STIM2: variants seen among roughly 807,000 people sequenced by gnomAD.
STIM2 encodes stromal interaction molecule 2.
A neutral mutation model predicts 85.8 loss-of-function variants in STIM2; 31 were observed. The ratio of observed to expected loss-of-function variants is 0.36; its 90% CI spans 0.27 to 0.49. STIM2 has a LOEUF of 0.49. STIM2 is among the 20% of genes least tolerant of loss of function. The probability of loss-of-function intolerance (pLI) is 0.98; values close to 1 mark genes in which losing one functional copy is unlikely to be tolerated. For synonymous variants in STIM2, 356 were observed against 331.1 expected, an observed-to-expected ratio of 1.08 and a Z score of -0.82; for missense variants, 841 against 927.6, an observed-to-expected ratio of 0.91 and a Z score of 1.21.
intron 1 of STIM2, among the ~76,000 whole-genome samples, chr4:26,908,669 A>G (rs761472359): frequency 6.6e-6 from 1 of 152,126 alleles, no homozygotes; most frequent in Middle Eastern, 3.2e-3. Flanking sequence ...TTTTTAGTAG[A>G]GACAGAGTTT....
chr4:26,960,099 A>G (rs1302356581), intron 3 of STIM2, among the ~76,000 whole-genome samples: 1 of 152,158 alleles, frequency 6.6e-6, no homozygotes, highest in Non-Finnish European at 1.5e-5. Flanking sequence ...CTGGTTTTTA[A>G]AACATTCAGG....
intron 1 of STIM2, among the ~76,000 whole-genome samples, chr4:26,862,307 CT>C (rs1391951092): frequency 8.0e-6 from 1 of 125,302 alleles, no homozygotes; most frequent in Non-Finnish European, 1.7e-5. Context: ...AGTAATGGAG[CT>C]AAAATAATGG....
At chr4:26,920,992 C>T (rs1302861040) in intron 2 of STIM2, among the ~76,000 whole-genome samples, 2 of 152,114 alleles carry the variant, frequency 1.3e-5, no homozygotes, top group South Asian at 2.1e-4. Context: ...TAAACCCCAG[C>T]ACCTCAGAAT....
Position 26,917,470 on chromosome 4 carries a change from T to C in STIM2, c.152-2034T>C, listed in dbSNP as rs1013290647. 7.9e-5 allele frequency among the ~76,000 whole-genome samples: 12 copies of C among 152,246 alleles called. 1 individual carries two copies. Among genetic ancestry groups the C allele is most frequent in the Admixed American group, 5.9e-4 (9 of 15,290 alleles). On this transcript the variant is annotated intron_variant, in intron 1 of 11. Coordinates refer to ENST00000467087, the MANE Select transcript of STIM2 (RefSeq NM_020860.4). ...AGAGAAGGAAGTGATCACTAGGAAA[T>C]AGTGTTTATGAAAGACTTCATGGAG...
intron 3 of STIM2, among the ~76,000 whole-genome samples, chr4:26,976,979 A>G (rs1028439975): frequency 6.6e-6 from 1 of 152,206 alleles, no homozygotes; most frequent in Non-Finnish European, 1.5e-5. Flanking sequence ...CACTCACACA[A>G]CTGCTGGTAC....
chr4:26,974,178 C>T (rs1309380938), intron 3 of STIM2, among the ~76,000 whole-genome samples: 1 of 152,124 alleles, frequency 6.6e-6, no homozygotes, highest in Non-Finnish European at 1.5e-5. Context: ...TGGGTCTTGA[C>T]TCTTTATCCA....
At chr4:26,906,461 A>G (rs1291198368) in intron 1 of STIM2, among the ~76,000 whole-genome samples, 1 of 147,562 alleles carries the variant, frequency 6.8e-6, no homozygotes, top group African/African-American at 2.5e-5. Flanking sequence ...TTTTTTTTGA[A>G]AAGCTATTGC....
chr4:26,999,974 T>A (rs1728091400), intron 5 of STIM2, among the ~76,000 whole-genome samples: 1 of 152,190 alleles, frequency 6.6e-6, no homozygotes, highest in South Asian at 2.1e-4. Context: ...ATTTAATATG[T>A]TTGTTTTATT....
At chr4:26,954,106 A>G (rs1296128047) in intron 2 of STIM2, among the ~76,000 whole-genome samples, 1 of 152,186 alleles carries the variant, frequency 6.6e-6, no homozygotes. Context: ...GAATGTGTCT[A>G]TAATAACATA....
intron 3 of STIM2, among the ~76,000 whole-genome samples, chr4:26,979,442 A>G (rs998942403): frequency 6.6e-6 from 1 of 152,198 alleles, no homozygotes; most frequent in Non-Finnish European, 1.5e-5. Flanking sequence ...ATCTAAGAAT[A>G]CCAACTACTG....
intron 3 of STIM2, among the ~76,000 whole-genome samples, chr4:26,990,817 G>A (rs1727741911): frequency 6.6e-6 from 1 of 151,938 alleles, no homozygotes. Flanking sequence ...TGGCCCACAG[G>A]TATACGAAAA....
chr4:27,004,087 G>A (rs574962313), intron 7 of STIM2, among the ~76,000 whole-genome samples: 24 of 152,308 alleles, frequency 1.6e-4, no homozygotes, highest in African/African-American at 5.8e-4. Flanking sequence ...TCTTAATAGA[G>A]TGCTAAATAA....
intron 4 of STIM2, among the ~76,000 whole-genome samples, chr4:26,995,792 A>G (rs915333856): frequency 2.0e-5 from 3 of 151,940 alleles, no homozygotes; most frequent in African/African-American, 7.2e-5. Context: ...TCTAAGAAAA[A>G]CTTTTTTATT....
chr4:26,958,539 A>G (rs1726331857), intron 3 of STIM2, among the ~76,000 whole-genome samples: 3 of 152,218 alleles, frequency 2.0e-5, no homozygotes, highest in Admixed American at 1.3e-4. Context: ...GGGAAAATAA[A>G]TAAAACTGTC....
At chr4:26,917,089 T>C (rs1724609886) in intron 1 of STIM2, among the ~76,000 whole-genome samples, 2 of 152,190 alleles carry the variant, frequency 1.3e-5, no homozygotes, top group Admixed American at 6.5e-5. Context: ...TGGAGAAACA[T>C]GGTCCCTGCC....
rs1314161288 is a variant in STIM2, at chr4:27,022,932, A to T, written c.2177A>T (p.His726Leu). The T allele has an allele frequency of 2.5e-6, 4 of 1,614,222 alleles. No homozygotes were observed. Among genetic ancestry groups the T allele is most frequent in the East Asian group, 2.2e-5 (1 of 44,888 alleles). ...AGCAGCATCCCACATGACCTTTGTC[A>T]TAATGGAGAGAAAAGCAAAAAGCCA... The change falls in exon 12 of 12, where the codon CAT (histidine) becomes CTT (leucine). Residue 726 changes from histidine to leucine, a missense_variant. By Grantham distance (99) the His-to-Leu change is moderately conservative. Transcript: ENST00000467087.
chr4:26,907,529 A>G (rs981031002), intron 1 of STIM2, among the ~76,000 whole-genome samples: 3 of 152,224 alleles, frequency 2.0e-5, no homozygotes, highest in African/African-American at 7.2e-5. Flanking sequence ...AAACTTGGAA[A>G]ATAGTTTCCT....
At chr4:26,947,770 C>T (rs1457133751) in intron 2 of STIM2, among the ~76,000 whole-genome samples, 2 of 152,140 alleles carry the variant, frequency 1.3e-5, no homozygotes, top group Non-Finnish European at 2.9e-5. Flanking sequence ...CATTCTGTTT[C>T]TGTTGTTTTG....
intron 2 of STIM2, among the ~76,000 whole-genome samples, chr4:26,926,215 C>T (rs1398054520): frequency 3.3e-4 from 5 of 15,184 alleles, no homozygotes; most frequent in African/African-American, 7.9e-4. Flanking sequence ...GAGCCCGCAT[C>T]GCCAAGTCAA....
Sources: gnomAD v4.1 joint callset for allele counts (sites outside exome capture counted in the v4.1 genomes callset) on GRCh38, gnomAD v4.1.1 for gene constraint, MANE v1.5 for transcripts, NCBI Gene and HGNC (gene_info 2026-07-23, HGNC 2026-07-21) for gene names.